The following ARFGEF1 variants were observed in gnomAD, a reference collection of about 807,000 sequenced individuals.
ARFGEF1 encodes brefeldin A-inhibited guanine nucleotide-exchange protein 1.
A neutral mutation model predicts 231.0 loss-of-function variants in ARFGEF1; 42 were observed. The ratio of observed to expected loss-of-function variants is 0.18; its 90% CI spans 0.14 to 0.24. The LOEUF is 0.24. Ranked by LOEUF, ARFGEF1 falls within the 10% of genes least tolerant of loss-of-function variation. The pLI is 1.00. For missense variants in ARFGEF1, 1,345 were observed against 2,192.0 expected (o/e 0.61, Z 7.72); for synonymous variants, 710 against 732.3 (o/e 0.97, Z 0.49).
At chr8:67,286,053 A>C (rs1008917015) in intron 7 of ARFGEF1, among the ~76,000 whole-genome samples, 1 of 152,210 alleles carries the variant, frequency 6.6e-6, no homozygotes, top group Non-Finnish European at 1.5e-5. Flanking sequence ...TGTATATTAG[A>C]TATTCTTGAA....
At chr8:67,256,825 A>G (rs1840469520) in intron 17 of ARFGEF1, among the ~76,000 whole-genome samples, 1 of 152,340 alleles carries the variant, frequency 6.6e-6, no homozygotes, top group East Asian at 1.9e-4. Flanking sequence ...TCTAGATATC[A>G]GGTATTTTTA....
intron 1 of ARFGEF1, among the ~76,000 whole-genome samples, chr8:67,337,083 C>A (rs561022655): frequency 1.4e-5 from 2 of 145,862 alleles, no homozygotes; most frequent in East Asian, 4.1e-4. Context: ...GAGCCAGGAT[C>A]GCGCCACTGC....
chr8:67,298,105 A>AT (rs34979732), intron 4 of ARFGEF1, among the ~76,000 whole-genome samples: 2,652 of 147,962 alleles, frequency 0.018, 60 homozygotes, highest in African/African-American at 0.059. Flanking sequence ...CATGCCCAGT[A>AT]TTTTTTTTTT....
intron 1 of ARFGEF1, among the ~76,000 whole-genome samples, chr8:67,307,595 G>T (rs1364057257): frequency 1.3e-5 from 2 of 152,142 alleles, no homozygotes; most frequent in African/African-American, 4.8e-5. Context: ...AATGTGCAGG[G>T]GTAGAGCTGG....
intron 34 of ARFGEF1, 114 bp from the exon 35 acceptor site, chr8:67,204,933 C>A (rs1046374027): frequency 1.6e-6 from 2 of 1,247,798 alleles, no homozygotes; most frequent in Admixed American, 2.0e-5. Flanking sequence ...ACATATCACA[C>A]TGAGAAGGAC....
Position 67,244,457 on chromosome 8 carries a change from A to C in ARFGEF1, c.2851-4167T>G, listed in dbSNP as rs1168890568. On this transcript the variant is annotated intron_variant, in intron 19 of 38. Transcript: ENST00000262215. ...CCTAGTAGCTGGAACCACAGGCACA[A>C]GCCACTATACCTGGCTAATTTTTGT... Among the ~76,000 whole-genome samples the C allele has an allele frequency of 1.3e-5, 2 of 148,418 alleles. 1 individual carries two copies. Among genetic ancestry groups the C allele is most frequent in the Non-Finnish European group, 3.0e-5 (2 of 67,546 alleles).
At chr8:67,297,581 T>TA (rs1035003274) in intron 4 of ARFGEF1, among the ~76,000 whole-genome samples, 2 of 151,940 alleles carry the variant, frequency 1.3e-5, no homozygotes, top group African/African-American at 4.8e-5. Context: ...TGTCCCAAAT[T>TA]AAAAAACAAA....
chr8:67,188,590 A>AATC (rs1029110388), intron 5 of ARFGEF1, among the ~76,000 whole-genome samples: 58 of 152,244 alleles, frequency 3.8e-4, no homozygotes, highest in African/African-American at 1.4e-3. Context: ...CATTCTATTA[A>AATC]ATCTTGGAAC....
At chr8:67,324,330 A>G (rs1321393383) in intron 1 of ARFGEF1, among the ~76,000 whole-genome samples, 6 of 152,158 alleles carry the variant, frequency 3.9e-5, no homozygotes, top group Admixed American at 2.6e-4. Flanking sequence ...GTCTTCAATG[A>G]TCTCATCCTT....
intron 5 of ARFGEF1, among the ~76,000 whole-genome samples, chr8:67,192,062 A>AT (rs1836417033): frequency 7.4e-6 from 1 of 134,896 alleles, no homozygotes; most frequent in African/African-American, 2.8e-5. Flanking sequence ...TCCTTTGCTG[A>AT]TTTGTTTTTT....
chr8:67,185,583 T>C (rs971229092), intron 5 of ARFGEF1, among the ~76,000 whole-genome samples: 2 of 152,202 alleles, frequency 1.3e-5, no homozygotes, highest in Non-Finnish European at 2.9e-5. Context: ...TGCATATTAG[T>C]TGACAGCAAT....
chr8:67,239,968 G>A (rs575788558), intron 20 of ARFGEF1, among the ~76,000 whole-genome samples, 194 bp downstream of exon 20: 1 of 152,026 alleles, frequency 6.6e-6, no homozygotes, highest in Non-Finnish European at 1.5e-5. Context: ...GATAAACTTA[G>A]ACAGATCAGT....
chr8:67,270,952 A>C (rs904386199), intron 10 of ARFGEF1, among the ~76,000 whole-genome samples: 2 of 145,374 alleles, frequency 1.4e-5, no homozygotes, highest in Non-Finnish European at 3.0e-5. Flanking sequence ...TGAACCCAGC[A>C]GGCGGAGGTT....
chr8:67,324,391 T>C (rs1337113254), intron 1 of ARFGEF1, among the ~76,000 whole-genome samples: 1 of 152,194 alleles, frequency 6.6e-6, no homozygotes, highest in African/African-American at 2.4e-5. Flanking sequence ...TCCCTGCAGT[T>C]CCCTAAGTGC....
rs201133578 is a variant in ARFGEF1 at position 67,245,688 on chromosome 8, AAAG to A, written c.2851-5401_2851-5399del. ...AAAGGAAGACAGGAAAGAAGGAAAG[AAAG>A]AAGAAAAGACCACAAAACAACGAGA... On this transcript the variant is annotated intron_variant, in intron 19 of 38. Coordinates refer to ENST00000262215, the MANE Select transcript of ARFGEF1 (RefSeq NM_006421.5). 5.0e-3 allele frequency among the ~76,000 whole-genome samples: 746 copies of A among 150,560 alleles called. 47 individuals are homozygous for A. The highest frequency in any genetic ancestry group is 0.047 in the Admixed American group (707 of 15,058).
At position 67,203,138 on chromosome 8, in the gene ARFGEF1, T is replaced by C; in HGVS notation, c.5073A>G (p.Arg1691=). The change falls in exon 36 of 39, where the codon AGA becomes AGG. Residue 1691 remains arginine, a synonymous_variant. Transcript: ENST00000262215. ...KLLDCLLESH[R]FAKAFNSNNE... Reference sequence around the variant, plus strand: ...TGTTGGAATTAAACGCTTTTGCAAATCTATGTGACTCTAATAAGCAGTCCA... The same window carrying C: ...TGTTGGAATTAAACGCTTTTGCAAACCTATGTGACTCTAATAAGCAGTCCA... 6.2e-7 allele frequency: 1 copy of C among 1,614,130 alleles called. No individual in the cohort carries two copies. The highest frequency in any genetic ancestry group is 8.5e-7 in the Non-Finnish European group (1 of 1,180,018).
intron 1 of ARFGEF1, among the ~76,000 whole-genome samples, chr8:67,331,381 T>A (rs1294415995): frequency 6.6e-6 from 1 of 152,094 alleles, no homozygotes; most frequent in African/African-American, 2.4e-5. Context: ...GGAGCGCTCA[T>A]GAATGGAATT....
At chr8:67,222,693 C>T (rs1438388119) in intron 29 of ARFGEF1, among the ~76,000 whole-genome samples, 6 of 152,012 alleles carry the variant, frequency 3.9e-5, no homozygotes, top group South Asian at 2.1e-4. Context: ...TCAGATGATC[C>T]GCCCACCTGG....
At chr8:67,315,639 T>A (rs533526187) in intron 1 of ARFGEF1, among the ~76,000 whole-genome samples, 15 of 152,264 alleles carry the variant, frequency 9.9e-5, no homozygotes, top group African/African-American at 3.6e-4. Flanking sequence ...CCAGAGTGTG[T>A]TCTCTACCAA....
Sources: allele counts gnomAD v4.1 joint callset (sites outside exome capture counted in the v4.1 genomes callset), GRCh38; gene constraint gnomAD v4.1.1; transcripts MANE v1.5; gene names NCBI Gene and HGNC (gene_info 2026-07-23, HGNC 2026-07-21).